Variants in GRIN2A observed in about 807,000 individuals in gnomAD.
GRIN2A encodes the protein glutamate ionotropic receptor NMDA type subunit 2A.
A neutral mutation model predicts 113.4 loss-of-function variants in GRIN2A; 22 were observed. The ratio of observed to expected loss-of-function variants is 0.19; its 90% CI spans 0.14 to 0.28. The LOEUF is 0.28. Among genes scored for constraint, GRIN2A ranks in the 10% least tolerant of loss-of-function variants. The pLI is 1.00. For synonymous variants in GRIN2A, 827 were observed against 738.4 expected, an observed-to-expected ratio of 1.12 and a Z score of -1.94; for missense variants, 1,502 against 1,887.0, an observed-to-expected ratio of 0.80 and a Z score of 3.78.
chr16:10,153,627 G>A (rs1469745580), intron 2 of GRIN2A, among the ~76,000 whole-genome samples: 1 of 152,182 alleles, frequency 6.6e-6, no homozygotes, highest in Non-Finnish European at 1.5e-5. Flanking sequence ...CAGAGGACAA[G>A]TCAAAATAAA....
chr16:10,112,950 T>C, intron 2 of GRIN2A: 1 of 376,002 alleles, frequency 2.7e-6, no homozygotes, highest in Non-Finnish European at 5.2e-6. Context: ...GCACAACCTC[T>C]CTCCATAACT....
chr16:9,885,828 C>T (rs1357199401), intron 4 of GRIN2A, among the ~76,000 whole-genome samples: 1 of 152,194 alleles, frequency 6.6e-6, no homozygotes, highest in Admixed American at 6.5e-5. Flanking sequence ...GCACTAGATC[C>T]CCTGAGTGCC....
chr16:9,838,155 G>C (rs1284580733), intron 7 of GRIN2A, among the ~76,000 whole-genome samples: 1 of 152,152 alleles, frequency 6.6e-6, no homozygotes, highest in Non-Finnish European at 1.5e-5. Context: ...TTTACAATTT[G>C]CTTTAAGAGA....
chr16:10,000,560 C>A (rs1343132608), intron 2 of GRIN2A, among the ~76,000 whole-genome samples: 2 of 151,686 alleles, frequency 1.3e-5, no homozygotes, highest in African/African-American at 4.9e-5. Context: ...TCTATAGAGT[C>A]CTTTAAGGTA....
intron 2 of GRIN2A, among the ~76,000 whole-genome samples, chr16:10,094,526 T>G (rs1321304694): frequency 6.6e-6 from 1 of 152,108 alleles, no homozygotes; most frequent in Non-Finnish European, 1.5e-5. Flanking sequence ...CTCAGCTCAC[T>G]GCAACCTCCA....
intron 2 of GRIN2A, among the ~76,000 whole-genome samples, chr16:10,071,194 T>C (rs1166489432): frequency 6.6e-6 from 1 of 152,224 alleles, no homozygotes; most frequent in African/African-American, 2.4e-5. Flanking sequence ...AATTTGGGAT[T>C]TCTAGTTAGA....
chr16:10,115,699 G>A (rs1271498971), intron 2 of GRIN2A, among the ~76,000 whole-genome samples: 1 of 152,200 alleles, frequency 6.6e-6, no homozygotes, highest in Non-Finnish European at 1.5e-5. Context: ...TTCTCAAGCT[G>A]AAAACATTTT....
At chr16:9,963,922 C>A (rs2045497114) in intron 2 of GRIN2A, among the ~76,000 whole-genome samples, 1 of 152,126 alleles carries the variant, frequency 6.6e-6, no homozygotes, top group South Asian at 2.1e-4. Flanking sequence ...AGAGGAAGTG[C>A]TTGTGGTGCA....
chr16:10,149,777 T>A (rs753119777), intron 2 of GRIN2A, among the ~76,000 whole-genome samples: 3 of 152,184 alleles, frequency 2.0e-5, no homozygotes, highest in East Asian at 1.9e-4. Flanking sequence ...CCATGCAGCA[T>A]CCAGAGTAGT....
chr16:10,071,072 T>C (rs1222586475), intron 2 of GRIN2A, among the ~76,000 whole-genome samples: 1 of 152,176 alleles, frequency 6.6e-6, no homozygotes, highest in African/African-American at 2.4e-5. Flanking sequence ...ATAGGCAGTA[T>C]TGATCAGAAG....
chr16:9,805,658 T>C (rs2041951683), intron 10 of GRIN2A: 1 of 152,188 alleles, frequency 6.6e-6, no homozygotes, highest in Non-Finnish European at 1.5e-5. Context: ...GGGAAATAAA[T>C]AATAACTTAT....
At chr16:9,863,086 C>A (rs1301058757) in intron 4 of GRIN2A, among the ~76,000 whole-genome samples, 1 of 152,176 alleles carries the variant, frequency 6.6e-6, no homozygotes, top group African/African-American at 2.4e-5. Context: ...GTGAGAAGAC[C>A]TGGAATCTGA....
intron 3 of GRIN2A, among the ~76,000 whole-genome samples, chr16:9,931,944 T>G (rs1177669502): frequency 1.3e-5 from 2 of 152,212 alleles, no homozygotes; most frequent in Non-Finnish European, 2.9e-5. Flanking sequence ...GTCTATATGC[T>G]TGAACCAAGC....
intron 4 of GRIN2A, among the ~76,000 whole-genome samples, chr16:9,863,100 T>C (rs888904482): frequency 6.6e-6 from 1 of 152,194 alleles, no homozygotes; most frequent in Non-Finnish European, 1.5e-5. Flanking sequence ...AATCTGAGCT[T>C]GGACTTCAGG....
At chr16:10,147,045 G>A (rs2049455544) in intron 2 of GRIN2A, among the ~76,000 whole-genome samples, 1 of 152,060 alleles carries the variant, frequency 6.6e-6, no homozygotes, top group Non-Finnish European at 1.5e-5. Context: ...CAGGTACCAT[G>A]TGACTTTCTT....
At chr16:9,838,576 G>T (rs2042621068) in intron 7 of GRIN2A, among the ~76,000 whole-genome samples, 1 of 152,206 alleles carries the variant, frequency 6.6e-6, no homozygotes, top group African/African-American at 2.4e-5. Flanking sequence ...TTCTTTGTGA[G>T]ATGGAGGATG....
intron 2 of GRIN2A, among the ~76,000 whole-genome samples, chr16:10,132,177 C>T (rs1462029049): frequency 1.3e-5 from 2 of 151,648 alleles, no homozygotes; most frequent in African/African-American, 4.8e-5. Context: ...TCTAAAAATA[C>T]AAAAATTAGC....
intron 11 of GRIN2A, among the ~76,000 whole-genome samples, chr16:9,783,812 T>C (rs1902063651): frequency 6.6e-6 from 1 of 152,220 alleles, no homozygotes; most frequent in Admixed American, 6.5e-5. Context: ...TAAAGAGTGA[T>C]TCTTAAACCT....
intron 2 of GRIN2A, among the ~76,000 whole-genome samples, chr16:10,018,978 C>T (rs2046663428): frequency 6.6e-6 from 1 of 151,070 alleles, no homozygotes; most frequent in Non-Finnish European, 1.5e-5. Context: ...CCCCAAACCT[C>T]AAGAAAAAAT....
Sources: gnomAD v4.1 joint callset for allele counts (sites outside exome capture counted in the v4.1 genomes callset) on GRCh38, gnomAD v4.1.1 for gene constraint, MANE v1.5 for transcripts, NCBI Gene and HGNC (gene_info 2026-07-23, HGNC 2026-07-21) for gene names.